ALOX5: variants seen among roughly 807,000 people sequenced by gnomAD.
ALOX5 encodes the protein arachidonate 5-lipoxygenase.
A neutral mutation model predicts 87.9 loss-of-function variants in ALOX5; 64 were observed. That is an observed-to-expected ratio of 0.73 (90% CI 0.60 to 0.90). The LOEUF is 0.90. Ranked by LOEUF, ALOX5 falls within the 40% of genes least tolerant of loss-of-function variation. The pLI is 0.00. For synonymous variants in ALOX5, 388 were observed against 355.1 expected (o/e 1.09, Z -1.04); for missense variants, 822 against 907.5 (o/e 0.91, Z 1.21).
At chr10:45,414,914 T>A (rs1358918334) in intron 4 of ALOX5, among the ~76,000 whole-genome samples, 1 of 152,146 alleles carries the variant, frequency 6.6e-6, no homozygotes, top group Admixed American at 6.5e-5. Flanking sequence ...AGAATGGCAA[T>A]CATTAAAAAG....
intron 2 of ALOX5, among the ~76,000 whole-genome samples, chr10:45,386,317 T>A (rs1420591650): frequency 2.7e-5 from 4 of 147,708 alleles, no homozygotes; most frequent in African/African-American, 1.0e-4. Flanking sequence ...AAAAAAAAAA[T>A]TAGCCAGGTG....
At chr10:45,402,548 G>A (rs1238633806) in intron 3 of ALOX5, among the ~76,000 whole-genome samples, 1 of 152,136 alleles carries the variant, frequency 6.6e-6, no homozygotes, top group African/African-American at 2.4e-5. Context: ...CTCAGCTTGG[G>A]GTTGATTAGA....
At position 45,424,743 on chromosome 10, in the gene ALOX5, C is replaced by A. The variant is rs897591632; in HGVS notation, c.662-217C>A. On this transcript the variant is annotated intron_variant, in intron 5 of 13. Transcript: ENST00000374391. ...TGAAGGACCTGAGTGCTCCAGGAGG[C>A]TTCTGAGCCACGAAGGGCCAGCTCA... is the stretch of plus-strand genomic sequence containing the variant. Among the ~76,000 whole-genome samples the A allele has an allele frequency of 3.3e-5, 5 of 152,210 alleles. No homozygotes were observed. In the East Asian group the frequency reaches 9.6e-4, roughly 29 times the overall value.
At chr10:45,441,254 G>A (rs1301587778) in intron 8 of ALOX5, 90 bp from the exon 9 acceptor site, 4 of 1,128,432 alleles carry the variant, frequency 3.5e-6, no homozygotes, top group Admixed American at 1.7e-5. Flanking sequence ...CATCCTATAG[G>A]GCAGGCCTGG....
chr10:45,395,260 G>A (rs1023130527), intron 2 of ALOX5, among the ~76,000 whole-genome samples: 12 of 152,250 alleles, frequency 7.9e-5, no homozygotes, highest in African/African-American at 2.9e-4. Flanking sequence ...TATACACCAT[G>A]GAATACTATG....
At chr10:45,377,222 C>T (rs1364181015) in intron 1 of ALOX5, among the ~76,000 whole-genome samples, 2 of 152,042 alleles carry the variant, frequency 1.3e-5, no homozygotes, top group African/African-American at 4.8e-5. Flanking sequence ...TTCTAGAATA[C>T]CTCCTTCTTG....
rs10649706 is a variant in ALOX5 at position 45,402,086 on chromosome 10, CA to C, written c.431+6170del. Among the ~76,000 whole-genome samples, 228 of 101,102 alleles carry C rather than the reference CA, an allele frequency of 2.3e-3. 1 individual carries two copies. Among genetic ancestry groups the C allele is most frequent in the African/African-American group, 5.1e-3 (133 of 26,076 alleles). The allele number at this position is 101,102 out of a possible 152,430, so 66.3% of individuals were successfully genotyped here. On this transcript the variant is annotated intron_variant, in intron 3 of 13. Coordinates refer to ENST00000374391, the MANE Select transcript of ALOX5 (RefSeq NM_000698.5). The stretch of plus-strand genomic sequence containing the variant: ...TGGGCGACAGAGCGAGACTCCGTCT[CA>C]AAAAAAAAAAAAAAAAAAATCTTTA...
At chr10:45,445,032 T>A (rs1842393611) in intron 13 of ALOX5, among the ~76,000 whole-genome samples, 1 of 152,256 alleles carries the variant, frequency 6.6e-6, no homozygotes, top group Non-Finnish European at 1.5e-5. Flanking sequence ...CGCAGACATC[T>A]GTGTGAGAAT....
At chr10:45,442,836 C>T (rs1355946818) in intron 9 of ALOX5, 5 of 590,638 alleles carry the variant, frequency 8.5e-6, no homozygotes, top group South Asian at 6.6e-5. Flanking sequence ...TTGGATTGGG[C>T]GGGAGGCTCC....
chr10:45,425,665 G>A lies in ALOX5; in HGVS notation c.834+533G>A, dbSNP rs945639924. On this transcript the variant is annotated intron_variant, in intron 6 of 13. Transcript: ENST00000374391. This position sits in a 1 kb window ranked among gnomAD's most constrained non-coding sequence, Gnocchi z 4.4. ...CTCACCTGCAGACTCAGCTGCCTCC[G>A]GCTGCAAGGCTGACCTAGTCTTGAG... is the stretch of plus-strand genomic sequence containing the variant. Among the ~76,000 whole-genome samples, 1 of 152,128 alleles carries A rather than the reference G, an allele frequency of 6.6e-6. No individual in the cohort carries two copies. The highest frequency in any genetic ancestry group is 6.5e-5 in the Admixed American group (1 of 15,288).
intron 3 of ALOX5, among the ~76,000 whole-genome samples, chr10:45,396,814 A>C (rs1840522895): frequency 6.6e-6 from 1 of 152,236 alleles, no homozygotes; most frequent in South Asian, 2.1e-4. Context: ...ATTTTCAACG[A>C]AATACTAGCA....
At chr10:45,380,710 G>A (rs940741949) in intron 1 of ALOX5, among the ~76,000 whole-genome samples, 1 of 152,210 alleles carries the variant, frequency 6.6e-6, no homozygotes. Context: ...GGGAGACCGA[G>A]GCAGGTGGAT....
intron 2 of ALOX5, among the ~76,000 whole-genome samples, chr10:45,386,284 G>A (rs1450154585): frequency 1.3e-5 from 2 of 149,272 alleles, no homozygotes; most frequent in Non-Finnish European, 3.0e-5. Flanking sequence ...CTGGGCAACA[G>A]AGCAAGACTC....
At chr10:45,409,367 G>C (rs1196368260) in intron 3 of ALOX5, among the ~76,000 whole-genome samples, 2 of 152,206 alleles carry the variant, frequency 1.3e-5, no homozygotes, top group Admixed American at 1.3e-4. Flanking sequence ...TAATACAAGA[G>C]ACCAAACATC....
rs199776504 is a variant in ALOX5, at chr10:45,421,557, C to T, written c.555-2484C>T. ...AGGTTTACCCCTCCAGCTTGACAAG[C>T]ATTCCTAGCCCAGAACACTCAGCTG... On this transcript the variant is annotated intron_variant, in intron 4 of 13. Transcript: ENST00000374391. 5.9e-5 allele frequency among the ~76,000 whole-genome samples: 9 copies of T among 152,372 alleles called. No individual in the cohort carries two copies. In the East Asian group the frequency reaches 1.5e-3, roughly 26 times the overall value.
At chr10:45,411,864 C>T (rs1169344317) in intron 3 of ALOX5, among the ~76,000 whole-genome samples, 1 of 152,188 alleles carries the variant, frequency 6.6e-6, no homozygotes, top group Non-Finnish European at 1.5e-5. Context: ...AGGCAGGCCT[C>T]TACTGTTCAA....
chr10:45,418,309 G>A (rs1403025625), intron 4 of ALOX5, among the ~76,000 whole-genome samples: 1 of 152,086 alleles, frequency 6.6e-6, no homozygotes, highest in East Asian at 1.9e-4. Context: ...GGGGACCCTA[G>A]GAAAGTCGTC....
intron 13 of ALOX5, chr10:45,444,583 T>C: frequency 2.4e-6 from 1 of 416,324 alleles, no homozygotes; most frequent in Non-Finnish European, 4.3e-6. Flanking sequence ...GCACATGTGT[T>C]TTACCCTGGT....
At chr10:45,428,909 A>C (rs75811053) in intron 7 of ALOX5, 145 bp downstream of exon 7, 7 of 1,125,948 alleles carry the variant, frequency 6.2e-6, no homozygotes, top group Non-Finnish European at 8.7e-6. Flanking sequence ...TGGGCTGTCC[A>C]TAGGGGCGGA....
Sources: allele counts gnomAD v4.1 joint callset (sites outside exome capture counted in the v4.1 genomes callset), GRCh38; gene constraint gnomAD v4.1.1; non-coding constraint Gnocchi (gnomAD v3.1); transcripts MANE v1.5; gene names NCBI Gene and HGNC (gene_info 2026-07-23, HGNC 2026-07-21).